The following MFN2 variants were observed in gnomAD, a reference collection of about 807,000 sequenced individuals.
The protein encoded by MFN2 is mitofusin-2.
A neutral mutation model predicts 87.5 loss-of-function variants in MFN2; 43 were observed. The ratio of observed to expected loss-of-function variants is 0.49; its 90% confidence interval spans 0.38 to 0.63. MFN2 has a LOEUF of 0.63. Ranked by LOEUF, MFN2 falls within the 30% of genes least tolerant of loss-of-function variation. MFN2 has a pLI of 0.00. For synonymous variants in MFN2, 337 were observed against 359.9 expected (o/e 0.94, Z 0.72); for missense variants, 743 against 972.8 (o/e 0.76, Z 3.14).
intron 4 of MFN2, among the ~76,000 whole-genome samples, chr1:11,994,326 C>T (rs367696013): frequency 9.2e-5 from 14 of 152,190 alleles, no homozygotes; most frequent in Non-Finnish European, 1.8e-4. Flanking sequence ...CGGTGGCTCA[C>T]GCCTGTAATC....
intron 17 of MFN2, among the ~76,000 whole-genome samples, chr1:12,008,284 G>A (rs1639512276): frequency 1.3e-5 from 2 of 152,206 alleles, no homozygotes; most frequent in South Asian, 4.1e-4. Context: ...AGACGGGGTG[G>A]TGGCCGGGCA....
At position 12,001,517 on chromosome 1, in the gene MFN2, C is replaced by A. The variant is rs150857365; in HGVS notation, c.933C>A (p.Asn311Lys). ...IFFVSAKEVL[N>K]ARIQKAQGMP... ...TTGTGTCTGCTAAGGAGGTGCTCAA[C>A]GCCAGGATTCAGAAAGCCCAGGGCA... The change falls in exon 9 of 19, where the codon AAC becomes AAA. Residue 311 changes from asparagine (N) to lysine (K), a missense_variant. This residue lies in a region of MFN2 where 571 missense variants were observed against 670.7 expected (regional missense o/e 0.85). Transcript: ENST00000235329. 6.2e-7 allele frequency: 1 copy of A among 1,614,176 alleles called. No homozygotes were observed. Among genetic ancestry groups the A allele is most frequent in the South Asian group, 1.1e-5 (1 of 91,078 alleles).
At chr1:11,988,084 T>TTGTGTGTG (rs112373136) in intron 2 of MFN2, among the ~76,000 whole-genome samples, 1 of 144,222 alleles carries the variant, frequency 6.9e-6, no homozygotes, top group Non-Finnish European at 1.5e-5. Flanking sequence ...CCAATAGTTT[T>TTGTGTGTG]TGTGTGTGTG....
At chr1:12,006,378 TCTC>T (rs966633785) in intron 15 of MFN2, among the ~76,000 whole-genome samples, 157 bp from the exon 16 acceptor site, 9 of 152,156 alleles carry the variant, frequency 5.9e-5, no homozygotes, top group African/African-American at 2.2e-4. Flanking sequence ...CACCTGAGGG[TCTC>T]CTCTGCTACA....
Position 11,996,233 on chromosome 1 carries a change from C to T in MFN2, c.389C>T (p.Thr130Ile), listed in dbSNP as rs1344156837. Residue 130 changes from threonine (T) to isoleucine (I), a missense_variant, in exon 5 of 19, where the codon ACC becomes ATC. Thr to Ile is a moderately conservative substitution (Grantham distance 89, BLOSUM62 -1). Coordinates refer to ENST00000235329, the MANE Select transcript of MFN2 (RefSeq NM_014874.4). ...CTGCCCTCTGGGATTGGCCACACCA[C>T]CAATTGCTTCCTGCGGGTAGAGGGC... ...KVLPSGIGHT[T>I]NCFLRVEGTD... 6.2e-7 allele frequency: 1 copy of T among 1,614,098 alleles called. No homozygotes were observed. The highest frequency in any genetic ancestry group is 8.5e-7 in the Non-Finnish European group (1 of 1,180,050).
At chr1:11,994,055 A>G (rs776150330) in intron 4 of MFN2, among the ~76,000 whole-genome samples, 15 of 152,168 alleles carry the variant, frequency 9.9e-5, no homozygotes, top group Non-Finnish European at 2.2e-4. Flanking sequence ...TATTCCACAG[A>G]CACACATGGT....
In MFN2 at chr1:12,011,664, G is replaced by A. The variant is rs1294375580; in HGVS notation, c.*99G>A. The A allele has an allele frequency of 1.3e-5, 17 of 1,284,900 alleles. No homozygotes were observed. The highest frequency in any genetic ancestry group is 1.9e-5 in the Non-Finnish European group (17 of 888,814). 79.6% of individuals were successfully genotyped at this position (1,284,900 alleles called of 1,614,324 possible). ...GGGCACGTGTGGCTCCTGCCCCCTG[G>A]CCACTGCCAAGAGAATGAAGCACCC... On this transcript the variant is annotated 3_prime_UTR_variant, in exon 19 of 19. Coordinates refer to ENST00000235329, the MANE Select transcript of MFN2 (RefSeq NM_014874.4).
chr1:11,993,418 C>A (rs542387348), intron 4 of MFN2, among the ~76,000 whole-genome samples: 3 of 150,968 alleles, frequency 2.0e-5, no homozygotes, highest in Admixed American at 6.6e-5. Flanking sequence ...AGGCAAGCAT[C>A]AAAAAAAAAT....
At chr1:12,009,558 C>T (rs1175983739) in intron 17 of MFN2, 34 bp from the exon 18 acceptor site, 3 of 1,614,006 alleles carry the variant, frequency 1.9e-6, no homozygotes, top group Non-Finnish European at 2.5e-6. Context: ...TTGCTCCACA[C>T]ACCCCAACTG....
chr1:11,992,743 G>C (rs1046252340), intron 4 of MFN2, 53 bp downstream of exon 4: 1 of 1,613,096 alleles, frequency 6.2e-7, no homozygotes, highest in South Asian at 1.1e-5. Context: ...GAGGGAGGGA[G>C]GCACTTTGTG....
intron 14 of MFN2, 61 bp from the exon 15 acceptor site, chr1:12,005,650 T>C: frequency 1.3e-6 from 2 of 1,522,536 alleles, no homozygotes; most frequent in Non-Finnish European, 9.1e-7. Flanking sequence ...CTCCAAGGCT[T>C]GGTGCCGCTG....
Position 12,009,617 on chromosome 1 carries a change from C to T in MFN2, c.2095C>T (p.Leu699=). 1 of 1,614,234 alleles carries T rather than the reference C, an allele frequency of 6.2e-7. No individual in the cohort carries two copies. The highest frequency in any genetic ancestry group is 1.1e-5 in the South Asian group (1 of 91,092). ...QQELSGTFAH[L]CQQVDVTREN... is the part of the protein sequence containing the mutation. ...GGAACTGTCTGGGACCTTTGCTCATCTGTGTCAGCAAGTTGACGTCACCCG... is the reference window on the plus strand; with the variant it reads ...GGAACTGTCTGGGACCTTTGCTCATTTGTGTCAGCAAGTTGACGTCACCCG... Residue 699 remains leucine (L), a synonymous_variant, in exon 18 of 19, where the codon CTG becomes TTG. Coordinates refer to ENST00000235329, the MANE Select transcript of MFN2 (RefSeq NM_014874.4).
chr1:11,984,238 G>T (rs745386987), intron 2 of MFN2, among the ~76,000 whole-genome samples: 37 of 152,218 alleles, frequency 2.4e-4, no homozygotes, highest in Non-Finnish European at 4.3e-4. Context: ...CACTTCTGGA[G>T]TGGGGTATCG....
In MFN2 at chr1:12,006,577, A is replaced by G. The variant is rs1410535348; in HGVS notation, c.1756A>G (p.Met586Val). The change falls in exon 16 of 19, where the codon ATG (methionine) becomes GTG (valine). Residue 586 changes from methionine to valine, a missense_variant. By Grantham distance (21) the Met-to-Val change is conservative. Coordinates refer to ENST00000235329, the MANE Select transcript of MFN2 (RefSeq NM_014874.4). ...CCCTCTGACGCCAGCCAACCCCAGC[A>G]TGCCCCCACTGCCACAGGGCTCGCT... is the stretch of plus-strand genomic sequence containing the variant. ...PIPLTPANPS[M>V]PPLPQGSLTQ... 1 of 1,614,074 alleles carries G rather than the reference A, an allele frequency of 6.2e-7. No individual in the cohort carries two copies. The highest frequency in any genetic ancestry group is 8.5e-7 in the Non-Finnish European group (1 of 1,180,048).
chr1:12,009,112 A>G (rs940024359), intron 17 of MFN2, among the ~76,000 whole-genome samples: 4 of 152,212 alleles, frequency 2.6e-5, no homozygotes, highest in Non-Finnish European at 4.4e-5. Context: ...AGGCAGGAGA[A>G]TCAGGCAGGG....
At position 12,004,011 on chromosome 1, in the gene MFN2, C is replaced by G. The variant is rs186448929; in HGVS notation, c.1180C>G (p.Arg394Gly). The G allele has an allele frequency of 5.6e-6, 9 of 1,614,060 alleles. No homozygotes were observed. In the Admixed American group the frequency reaches 1.2e-4, roughly 21 times the overall value. ...TTTCAGGGTTTACTGCGAGGAAATG[C>G]GTGAAGAGCGGCAAGACCGACTGAA... Reference protein sequence around the residue: ...REQQVYCEEMREERQDRLKFI... With the variant: ...REQQVYCEEMGEERQDRLKFI... The change falls in exon 12 of 19, where the codon CGT becomes GGT. Residue 394 changes from arginine to glycine, a missense_variant. Physicochemically the swap from Arg to Gly is moderately radical, Grantham distance 125 (BLOSUM62 -2). Coordinates refer to ENST00000235329, the MANE Select transcript of MFN2 (RefSeq NM_014874.4). The surrounding 1 kb of genome is among the most constrained non-coding windows in gnomAD (Gnocchi z 4.2).
chr1:11,985,527 C>T (rs1020029951), intron 2 of MFN2, among the ~76,000 whole-genome samples: 8 of 137,532 alleles, frequency 5.8e-5, no homozygotes, highest in Middle Eastern at 4.3e-3. Flanking sequence ...AGTACAGTGG[C>T]GAGATCTTGG....
chr1:12,004,872 C>T lies in MFN2; in HGVS notation c.1440C>T (p.Asp480=). The T allele has an allele frequency of 6.2e-7, 1 of 1,613,858 alleles. No individual in the cohort carries two copies. Among genetic ancestry groups the T allele is most frequent in the Non-Finnish European group, 8.5e-7 (1 of 1,179,866 alleles). ...IEEGLGRNMS[D]RCSTAITNSL... is the part of the protein sequence containing the mutation. ...AAGGACTGGGTCGAAACATGTCTGA[C>T]CGCTGCTCCACGGCCATCACCAACT... Residue 480 remains aspartate (D), a synonymous_variant, in exon 14 of 19, where the codon GAC becomes GAT. Coordinates refer to ENST00000235329, the MANE Select transcript of MFN2 (RefSeq NM_014874.4). This position sits in a 1 kb window ranked among gnomAD's most constrained non-coding sequence, Gnocchi z 4.2.
intron 2 of MFN2, among the ~76,000 whole-genome samples, chr1:11,983,846 A>T (rs992980158): frequency 1.3e-5 from 2 of 152,230 alleles, no homozygotes; most frequent in African/African-American, 4.8e-5. Context: ...CAGTAGGAGT[A>T]TGCCAAATGG....
Sources: gnomAD v4.1 joint callset for allele counts (sites outside exome capture counted in the v4.1 genomes callset) on GRCh38, gnomAD v4.1.1 for gene constraint, gnomAD v4.1.1 regional missense constraint, Gnocchi (gnomAD v3.1) non-coding constraint, MANE v1.5 for transcripts, NCBI Gene and HGNC (gene_info 2026-07-23, HGNC 2026-07-21) for gene names.